Variants in PPIP5K1 observed in about 807,000 individuals in gnomAD.
The protein encoded by PPIP5K1 is inositol hexakisphosphate and diphosphoinositol-pentakisphosphate kinase 1.
Under a neutral mutation model 27.7 loss-of-function variants are expected in PPIP5K1, and 6 were observed. The ratio of observed to expected loss-of-function variants is 0.22; its 90% CI spans 0.12 to 0.43. The LOEUF (loss-of-function observed/expected upper bound fraction) is 0.43. Ranked by LOEUF, PPIP5K1 falls within the 20% of genes least tolerant of loss-of-function variation. The probability of loss-of-function intolerance (pLI) is 1.00; values close to 1 mark genes in which losing one functional copy is unlikely to be tolerated. For missense variants in PPIP5K1, 394 were observed against 635.4 expected, an observed-to-expected ratio of 0.62 and a Z score of 4.08; for synonymous variants, 145 against 242.6, an observed-to-expected ratio of 0.60 and a Z score of 3.74.
intron 30 of PPIP5K1, among the ~76,000 whole-genome samples, chr15:43,554,596 T>C (rs2082668983): frequency 6.7e-6 from 1 of 150,310 alleles, no homozygotes; most frequent in Admixed American, 6.7e-5. Flanking sequence ...TGTGAGACTC[T>C]TCTCAAATAT....
intron 31 of PPIP5K1, among the ~76,000 whole-genome samples, chr15:43,536,662 G>A (rs2079906111): frequency 6.6e-6 from 1 of 152,038 alleles, no homozygotes; most frequent in African/African-American, 2.4e-5. Flanking sequence ...TAAGTCTTGG[G>A]ACATACAATG....
In PPIP5K1 at chr15:43,536,584, A is replaced by C. The variant is rs534381372; in HGVS notation, c.3671-1108T>G. On this transcript the variant is annotated intron_variant, in intron 31 of 31. Transcript: ENST00000420765. ...TAAGAATATTCACACTAATCTTTAC[A>C]TGTGATTCCTGAAGCTCACAGACCC... Among the ~76,000 whole-genome samples, 9 of 152,330 alleles carry C rather than the reference A, an allele frequency of 5.9e-5. No homozygotes were observed. The South Asian group carries it at 1.9e-3, about 32-fold the overall frequency.
intron 30 of PPIP5K1, among the ~76,000 whole-genome samples, chr15:43,554,894 A>G (rs1012723019): frequency 6.6e-6 from 1 of 151,962 alleles, no homozygotes; most frequent in Non-Finnish European, 1.5e-5. Flanking sequence ...GGAGGCCAGT[A>G]GCACGATCTT....
At position 43,534,659 on chromosome 15, in the gene PPIP5K1, G is replaced by T; in HGVS notation, c.*15C>A. 6.6e-7 allele frequency: 1 copy of T among 1,516,700 alleles called. No homozygotes were observed. The allele number at this position is 1,516,700 out of a possible 1,614,324, so 94.0% of individuals were successfully genotyped here. Reference sequence around the variant, plus strand: ...CAGGCAGCTGATCAATCACTTCAGGGACCACCCAGGACTTCTAATTTATCT... The same window carrying T: ...CAGGCAGCTGATCAATCACTTCAGGTACCACCCAGGACTTCTAATTTATCT... On this transcript the variant is annotated 3_prime_UTR_variant, in exon 32 of 32. Transcript: ENST00000420765.
intron 30 of PPIP5K1, among the ~76,000 whole-genome samples, chr15:43,545,756 C>T (rs2081296922): frequency 6.6e-6 from 1 of 152,088 alleles, no homozygotes; most frequent in Admixed American, 6.6e-5. Flanking sequence ...ACTTTTAGTA[C>T]TTGCATGGTT....
At chr15:43,579,415 C>CACACACACACACACACGTATGTGTACAT (rs1555441040) in intron 10 of PPIP5K1, among the ~76,000 whole-genome samples, 33 of 117,294 alleles carry the variant, frequency 2.8e-4, no homozygotes. Flanking sequence ...CACACACACA[C>CACACACACACACACACGTATGTGTACAT]ACACACACGT....
rs1196655992 is a variant in PPIP5K1 at position 43,558,830 on chromosome 15, T to C, written c.3521A>G (p.Gln1174Arg). The change falls in exon 30 of 32, where the codon CAG (glutamine) becomes CGG (arginine). Residue 1174 changes from glutamine (Q) to arginine (R), a missense_variant. By Grantham distance (43) the Gln-to-Arg change is conservative. Coordinates refer to ENST00000420765, the MANE Select transcript of PPIP5K1 (RefSeq NM_001394395.1). ...QVSEFLSRVC[Q>R]RHTDAQAQAS... ...CTGTGCCTGGGCATCAGTGTGGCGC[T>C]GGCAGACTCTACTCAAGAATTCACT... The C allele has an allele frequency of 6.2e-7, 1 of 1,614,000 alleles. No individual in the cohort carries two copies. The highest frequency in any genetic ancestry group is 8.5e-7 in the Non-Finnish European group (1 of 1,180,044).
At chr15:43,552,598 T>C (rs937525764) in intron 30 of PPIP5K1, among the ~76,000 whole-genome samples, 1 of 149,408 alleles carries the variant, frequency 6.7e-6, no homozygotes, top group African/African-American at 2.5e-5. Context: ...TGTGTGCCTG[T>C]AGTCCAGCTA....
At position 43,534,650 on chromosome 15, in the gene PPIP5K1, C is replaced by A; in HGVS notation, c.*24G>T. ...TACCCTCTCCAGGCAGCTGATCAAT[C>A]ACTTCAGGGACCACCCAGGACTTCT... is the stretch of plus-strand genomic sequence containing the variant. On this transcript the variant is annotated 3_prime_UTR_variant, in exon 32 of 32. Transcript: ENST00000420765. The A allele has an allele frequency of 6.6e-7, 1 of 1,504,784 alleles. No individual in the cohort carries two copies. Among genetic ancestry groups the A allele is most frequent in the South Asian group, 1.4e-5 (1 of 71,700 alleles). The allele number at this position is 1,504,784 out of a possible 1,614,324, so 93.2% of individuals were successfully genotyped here.
chr15:43,535,171 G>T lies in PPIP5K1; in HGVS notation c.3976C>A (p.Gln1326Lys), dbSNP rs1294906292. The T allele has an allele frequency of 6.2e-7, 1 of 1,613,492 alleles. No individual in the cohort carries two copies. The change falls in exon 32 of 32, where the codon CAG becomes AAG. Residue 1326 changes from glutamine to lysine, a missense_variant. Physicochemically the swap from Gln to Lys is moderately conservative, Grantham distance 53. Coordinates refer to ENST00000420765, the MANE Select transcript of PPIP5K1 (RefSeq NM_001394395.1). ...TGGCTGAGCGCCTCAGAAATGTCCT[G>T]GCATGGCTGGCTGATGTCAGGGACC... ...QEVPDISQPCQDISEALSQPC... is the reference protein window; with the variant it reads ...QEVPDISQPCKDISEALSQPC...
chr15:43,554,620 T>TACACACACAC lies in PPIP5K1; in HGVS notation c.3556+4165_3556+4174dup, dbSNP rs757647925. Among the ~76,000 whole-genome samples, 236 of 130,076 alleles carry TACACACACAC rather than the reference T, an allele frequency of 1.8e-3. 2 individuals are homozygous for TACACACACAC. The highest frequency in any genetic ancestry group is 3.9e-3 in the African/African-American group (144 of 36,628). The allele number at this position is 130,076 out of a possible 152,430, so 85.3% of individuals were successfully genotyped here. On this transcript the variant is annotated intron_variant, in intron 30 of 31. Transcript: ENST00000420765. Reference sequence around the variant, plus strand: ...CTTCTCAAATATAAGACACCTGGCATACACACACACACAGACACACACACA... The same window carrying TACACACACAC: ...CTTCTCAAATATAAGACACCTGGCATACACACACACACACACACACACAGACACACACACA...
intron 30 of PPIP5K1, among the ~76,000 whole-genome samples, chr15:43,555,491 G>A (rs2082818236): frequency 6.6e-6 from 1 of 151,822 alleles, no homozygotes; most frequent in Non-Finnish European, 1.5e-5. Context: ...TTGCCATGTT[G>A]CCCAGGCTGA....
At chr15:43,549,064 T>A (rs1400415804) in intron 30 of PPIP5K1, among the ~76,000 whole-genome samples, 26 of 82,812 alleles carry the variant, frequency 3.1e-4, no homozygotes, top group African/African-American at 4.9e-4. Context: ...AAAATATATA[T>A]ATATATATAT....
rs1004408690 is a variant in PPIP5K1 at position 43,539,200 on chromosome 15, A to C, written c.3670+270T>G. Among the ~76,000 whole-genome samples the C allele has an allele frequency of 7.7e-5, 4 of 52,230 alleles. No homozygotes were observed. The South Asian group carries it at 2.4e-3, about 31-fold the overall frequency. The allele number at this position is 52,230 out of a possible 152,430, so 34.3% of individuals were successfully genotyped here. On this transcript the variant is annotated intron_variant, in intron 31 of 31. Coordinates refer to ENST00000420765, the MANE Select transcript of PPIP5K1 (RefSeq NM_001394395.1). ...CAATAAGAGCGAAACTCTGTCTCTCAAAAAAAAAAAACAATTATTCCTAAT... is the reference window on the plus strand; with the variant it reads ...CAATAAGAGCGAAACTCTGTCTCTCCAAAAAAAAAAACAATTATTCCTAAT...
chr15:43,546,184 A>C (rs562319245), intron 30 of PPIP5K1, among the ~76,000 whole-genome samples: 34 of 152,318 alleles, frequency 2.2e-4, no homozygotes, highest in Non-Finnish European at 4.7e-4. Context: ...TAATGTTTTT[A>C]AGGTTCATCC....
intron 30 of PPIP5K1, among the ~76,000 whole-genome samples, chr15:43,558,023 G>C (rs1402247747): frequency 1.3e-5 from 2 of 150,578 alleles, no homozygotes; most frequent in African/African-American, 4.9e-5. Context: ...TAGAATTCAG[G>C]AGTGATATTT....
chr15:43,548,473 C>T (rs1375715689), intron 30 of PPIP5K1: 1 of 149,492 alleles, frequency 6.7e-6, no homozygotes, highest in Non-Finnish European at 1.5e-5. Context: ...TGGTCTTGAA[C>T]TTGTGAGCTT....
At chr15:43,540,895 A>G (rs1162381109) in intron 30 of PPIP5K1, among the ~76,000 whole-genome samples, 1 of 151,270 alleles carries the variant, frequency 6.6e-6, no homozygotes, top group East Asian at 1.9e-4. Context: ...AAGAGAAAAG[A>G]TATATATAAA....
At chr15:43,550,530 CTTCT>C (rs1217349116) in intron 30 of PPIP5K1, among the ~76,000 whole-genome samples, 1 of 152,090 alleles carries the variant, frequency 6.6e-6, no homozygotes, top group Non-Finnish European at 1.5e-5. Context: ...TCTTTTGAGA[CTTCT>C]TTGTGATTTT....
Sources: allele counts gnomAD v4.1 joint callset (sites outside exome capture counted in the v4.1 genomes callset), GRCh38; gene constraint gnomAD v4.1.1; transcripts MANE v1.5; gene names NCBI Gene and HGNC (gene_info 2026-07-23, HGNC 2026-07-21).